The following FREM1 variants were observed in gnomAD, a reference collection of about 807,000 sequenced individuals.
FREM1 encodes FRAS1-related extracellular matrix protein 1.
FREM1 carries 220 observed loss-of-function variants against 210.1 expected under a neutral mutation model. That is an observed-to-expected ratio of 1.05 (90% CI 0.94 to 1.17). The LOEUF is 1.17. FREM1 is among the 50% of genes most tolerant of loss of function. The pLI is 0.00. For missense variants in FREM1, 3,454 were observed against 2,675.5 expected, an observed-to-expected ratio of 1.29 and a Z score of -6.42; for synonymous variants, 1,189 against 980.2, an observed-to-expected ratio of 1.21 and a Z score of -3.98.
intron 16 of FREM1, among the ~76,000 whole-genome samples, chr9:14,811,731 C>A (rs1178879256): frequency 6.6e-6 from 1 of 152,044 alleles, no homozygotes; most frequent in Non-Finnish European, 1.5e-5. Context: ...ATGTTTTCTC[C>A]CATTTCTGAA....
intron 10 of FREM1, among the ~76,000 whole-genome samples, chr9:14,835,192 T>G (rs921076386): frequency 4.6e-5 from 7 of 152,234 alleles, no homozygotes; most frequent in Non-Finnish European, 1.0e-4. Context: ...TGCTGATCCT[T>G]GTTTAGTTTT....
chr9:14,747,485 A>G, intron 32 of FREM1, 57 bp from the exon 33 acceptor site: 1 of 1,530,610 alleles, frequency 6.5e-7, no homozygotes, highest in South Asian at 1.2e-5. Flanking sequence ...AAGATAGCAA[A>G]CAAAAAAATG....
In FREM1 at chr9:14,863,803, G is replaced by C. The variant is rs373292520; in HGVS notation, c.329+6C>G. On this transcript the variant is annotated splice_donor_region_variant and intron_variant, in intron 3 of 36. Transcript: ENST00000380880. The stretch of plus-strand genomic sequence containing the variant: ...AGCAAATGAGCGATGTTCCCGTGCC[G>C]CTTACCTGTAAAGTCTGAGCTTCAC... 1 of 1,583,192 alleles carries C rather than the reference G, an allele frequency of 6.3e-7. No individual in the cohort carries two copies. Among genetic ancestry groups the C allele is most frequent in the Non-Finnish European group, 8.7e-7 (1 of 1,152,246 alleles).
chr9:14,861,047 AT>A (rs1296649959), intron 3 of FREM1, among the ~76,000 whole-genome samples: 2 of 74,298 alleles, frequency 2.7e-5, no homozygotes, highest in African/African-American at 1.4e-4. Context: ...ACATATATAC[AT>A]ATATACATAT....
chr9:14,783,258 G>C (rs1772467442), intron 24 of FREM1, among the ~76,000 whole-genome samples: 2 of 152,180 alleles, frequency 1.3e-5, no homozygotes, highest in South Asian at 2.1e-4. Flanking sequence ...TATCAGAGCA[G>C]ATATATTGAA....
intron 16 of FREM1, among the ~76,000 whole-genome samples, chr9:14,810,775 A>G (rs1819264026): frequency 6.6e-6 from 1 of 152,236 alleles, no homozygotes. Context: ...CATAATTGCA[A>G]CTATGTTAAA....
At chr9:14,755,971 A>T (rs992929545) in intron 29 of FREM1, among the ~76,000 whole-genome samples, 1 of 152,232 alleles carries the variant, frequency 6.6e-6, no homozygotes, top group African/African-American at 2.4e-5. Flanking sequence ...ATGAGGGATC[A>T]TTTAGAAATG....
chr9:14,846,161 A>G, intron 7 of FREM1, 70 bp from the exon 8 acceptor site: 4 of 1,222,984 alleles, frequency 3.3e-6, no homozygotes, highest in Non-Finnish European at 4.7e-6. Context: ...CATATACACC[A>G]TGGAATACTA....
intron 19 of FREM1, 52 bp from the exon 20 acceptor site, chr9:14,801,926 T>C (rs1230588654): frequency 3.7e-6 from 5 of 1,359,092 alleles, no homozygotes; most frequent in Non-Finnish European, 5.1e-6. Flanking sequence ...ACAACTTGTC[T>C]TTCTTTGGAA....
At chr9:14,832,439 T>G (rs559000841) in intron 10 of FREM1, among the ~76,000 whole-genome samples, 1 of 152,244 alleles carries the variant, frequency 6.6e-6, no homozygotes, top group East Asian at 1.9e-4. Context: ...ATGTCTCCTA[T>G]AGTAGGCCAA....
At chr9:14,773,745 G>A (rs184281981) in intron 25 of FREM1, among the ~76,000 whole-genome samples, 3 of 151,672 alleles carry the variant, frequency 2.0e-5, no homozygotes, top group South Asian at 4.1e-4. Context: ...TGCTCTTTAA[G>A]ATGAGTGTTG....
rs372963548 is a variant in FREM1, at chr9:14,759,188, G to C, written c.5334+584C>G. Among the ~76,000 whole-genome samples, 12 of 152,202 alleles carry C rather than the reference G, an allele frequency of 7.9e-5. No homozygotes were observed. In the East Asian group the frequency reaches 2.3e-3, roughly 29 times the overall value. ...AAAGAGTTCATAGAAACAAATAACA[G>C]CTTTCAAAATTAAAAATGGATTTTA... On this transcript the variant is annotated intron_variant, in intron 28 of 36. Coordinates refer to ENST00000380880, the MANE Select transcript of FREM1 (RefSeq NM_001379081.2).
At chr9:14,897,429 T>A (rs917905265) in intron 1 of FREM1, among the ~76,000 whole-genome samples, 1 of 151,802 alleles carries the variant, frequency 6.6e-6, no homozygotes, top group Admixed American at 6.6e-5. Context: ...CCAAAGAGGC[T>A]AAGTGATTTG....
intron 29 of FREM1, among the ~76,000 whole-genome samples, chr9:14,752,997 G>A (rs1018154259): frequency 6.6e-6 from 1 of 152,154 alleles, no homozygotes; most frequent in African/African-American, 2.4e-5. Context: ...TTCCAACTTG[G>A]TTTCTATGCC....
intron 16 of FREM1, among the ~76,000 whole-genome samples, chr9:14,811,701 A>G (rs1432197771): frequency 6.6e-6 from 1 of 152,230 alleles, no homozygotes; most frequent in Non-Finnish European, 1.5e-5. Flanking sequence ...CAAAGTATAT[A>G]GGACAAATAT....
chr9:14,869,951 G>A (rs1832283468), intron 1 of FREM1, among the ~76,000 whole-genome samples: 1 of 152,196 alleles, frequency 6.6e-6, no homozygotes, highest in Non-Finnish European at 1.5e-5. Context: ...ACATTCCCAT[G>A]TACTCAACTT....
intron 1 of FREM1, among the ~76,000 whole-genome samples, chr9:14,881,587 TTAAAA>T (rs138563231): frequency 0.035 from 5,330 of 152,294 alleles, 329 homozygotes; most frequent in African/African-American, 0.12. Context: ...AGATAGATTG[TTAAAA>T]TAATATAGCA....
At chr9:14,867,650 G>A (rs983438732) in intron 2 of FREM1, among the ~76,000 whole-genome samples, 6 of 152,078 alleles carry the variant, frequency 3.9e-5, no homozygotes, top group African/African-American at 1.4e-4. Flanking sequence ...TTCTCTCTCT[G>A]TAATACCTAG....
At chr9:14,749,135 G>A (rs540223883) in intron 30 of FREM1, among the ~76,000 whole-genome samples, 30 of 152,188 alleles carry the variant, frequency 2.0e-4, no homozygotes, top group African/African-American at 6.5e-4. Flanking sequence ...TTAATAGAGC[G>A]GCTCCTATTG....
Sources: gnomAD v4.1 joint callset for allele counts (sites outside exome capture counted in the v4.1 genomes callset) on GRCh38, gnomAD v4.1.1 for gene constraint, MANE v1.5 for transcripts, NCBI Gene and HGNC (gene_info 2026-07-23, HGNC 2026-07-21) for gene names.